The following CCSER1 variants were observed in gnomAD, a reference collection of about 807,000 sequenced individuals.
CCSER1 encodes coiled-coil serine rich protein 1.
Under a neutral mutation model 82.0 loss-of-function variants are expected in CCSER1, and 41 were observed. The ratio of observed to expected loss-of-function variants is 0.50; its 90% CI spans 0.39 to 0.65. The LOEUF (loss-of-function observed/expected upper bound fraction) is 0.65, where lower values mean the gene tolerates loss of function less well. Among genes scored for constraint, CCSER1 ranks in the 30% least tolerant of loss-of-function variants. The pLI, the probability that CCSER1 is intolerant of heterozygous loss-of-function variation, is 0.00. For missense variants in CCSER1, 1,119 were observed against 1,064.2 expected (o/e 1.05, Z -0.72); for synonymous variants, 414 against 383.9 (o/e 1.08, Z -0.92).
At chr4:90,258,511 A>G (rs531055825) in intron 1 of CCSER1, among the ~76,000 whole-genome samples, 5 of 152,292 alleles carry the variant, frequency 3.3e-5, no homozygotes, top group Admixed American at 6.5e-5. Flanking sequence ...CTCCATCTCA[A>G]AAACAAACAA....
chr4:91,276,720 T>A (rs1316120982), intron 10 of CCSER1, among the ~76,000 whole-genome samples: 1 of 152,154 alleles, frequency 6.6e-6, no homozygotes, highest in Non-Finnish European at 1.5e-5. Context: ...ATCCTTGTTT[T>A]GTTCCAGTTC....
At chr4:90,799,671 G>C (rs1245003342) in intron 7 of CCSER1, among the ~76,000 whole-genome samples, 1 of 152,162 alleles carries the variant, frequency 6.6e-6, no homozygotes, top group Non-Finnish European at 1.5e-5. Flanking sequence ...ACAGAGTTCA[G>C]GTCCAGCAGT....
intron 4 of CCSER1, among the ~76,000 whole-genome samples, chr4:90,427,511 T>C (rs916774730): frequency 1.3e-5 from 2 of 151,446 alleles, no homozygotes; most frequent in African/African-American, 2.4e-5. Context: ...AAAAGTAATA[T>C]ACTACAAGGC....
intron 10 of CCSER1, among the ~76,000 whole-genome samples, chr4:91,527,983 C>T (rs1560739951): frequency 6.6e-6 from 1 of 152,036 alleles, no homozygotes. Flanking sequence ...GTCGCGATCT[C>T]GGCTCCCTGC....
At chr4:90,956,598 G>C (rs1202162048) in intron 9 of CCSER1, among the ~76,000 whole-genome samples, 3 of 152,002 alleles carry the variant, frequency 2.0e-5, no homozygotes, top group Admixed American at 2.0e-4. Context: ...GAGACATAGA[G>C]AAAAGAATTT....
In CCSER1 at chr4:90,932,968, A is replaced by AAGAGAGAG. The variant is rs1388956096; in HGVS notation, c.2172+9524_2172+9525insGAGAGAGA. On this transcript the variant is annotated intron_variant, in intron 9 of 10. Transcript: ENST00000509176. ...AAAGAAAGAAAGAAAGAAAGAAAGAAAGAAAGAAAGAAAGAGAAAGAAAGA... is the reference window on the plus strand; with the variant it reads ...AAAGAAAGAAAGAAAGAAAGAAAGAAAGAGAGAGAGAAAGAAAGAAAGAGAAAGAAAGA... Among the ~76,000 whole-genome samples, 2 of 44,126 alleles carry AAGAGAGAG rather than the reference A, an allele frequency of 4.5e-5. 1 individual carries two copies. The highest frequency in any genetic ancestry group is 9.7e-4 in the East Asian group (2 of 2,068). 28.9% of individuals were successfully genotyped at this position (44,126 alleles called of 152,430 possible).
intron 10 of CCSER1, among the ~76,000 whole-genome samples, chr4:91,414,827 A>G (rs538611531): frequency 9.8e-5 from 15 of 152,324 alleles, no homozygotes; most frequent in Middle Eastern, 3.4e-3. Context: ...GAAGGTCATT[A>G]TATAAAATCA....
At chr4:91,242,753 C>A (rs546412550) in intron 10 of CCSER1, among the ~76,000 whole-genome samples, 1 of 152,198 alleles carries the variant, frequency 6.6e-6, no homozygotes, top group Non-Finnish European at 1.5e-5. Flanking sequence ...ACTTGAAAAG[C>A]ACTTATATCC....
intron 4 of CCSER1, among the ~76,000 whole-genome samples, chr4:90,400,906 A>T (rs1752770626): frequency 1.3e-5 from 2 of 151,978 alleles, no homozygotes; most frequent in South Asian, 4.1e-4. Flanking sequence ...ATTAAACTAA[A>T]GCTTTAGAAC....
intron 1 of CCSER1, among the ~76,000 whole-genome samples, chr4:90,228,539 C>A (rs1416462171): frequency 6.6e-6 from 1 of 151,984 alleles, no homozygotes; most frequent in Non-Finnish European, 1.5e-5. Context: ...AGCAGAAAAA[C>A]TGGAAACTCT....
At chr4:91,350,503 C>T (rs1464713460) in intron 10 of CCSER1, among the ~76,000 whole-genome samples, 1 of 151,984 alleles carries the variant, frequency 6.6e-6, no homozygotes, top group East Asian at 1.9e-4. Context: ...AGAACATTAA[C>T]TGATATATAA....
intron 5 of CCSER1, among the ~76,000 whole-genome samples, chr4:90,537,261 G>A (rs1306902697): frequency 6.6e-6 from 1 of 151,984 alleles, no homozygotes; most frequent in Non-Finnish European, 1.5e-5. Flanking sequence ...TTAAATACTA[G>A]TTCTTTTTGC....
At chr4:90,732,219 C>T (rs1255418184) in intron 7 of CCSER1, among the ~76,000 whole-genome samples, 3 of 152,244 alleles carry the variant, frequency 2.0e-5, no homozygotes, top group Non-Finnish European at 4.4e-5. Flanking sequence ...GAAAGGGAAA[C>T]ATGTCAGTCT....
chr4:90,313,128 C>G (rs1735600182), intron 3 of CCSER1, 81 bp downstream of exon 3: 1 of 1,141,880 alleles, frequency 8.8e-7, no homozygotes, highest in South Asian at 1.3e-5. Flanking sequence ...AAAATGAACA[C>G]AGACTACAGG....
intron 5 of CCSER1, among the ~76,000 whole-genome samples, chr4:90,469,594 A>G (rs1232001098): frequency 6.6e-6 from 1 of 150,694 alleles, no homozygotes; most frequent in Admixed American, 6.6e-5. Context: ...TTAGGGTGAT[A>G]TCACCACTCT....
chr4:91,600,667 T>TTAAC lies in CCSER1; in HGVS notation c.*1613_*1616dup, dbSNP rs879080782. The stretch of plus-strand genomic sequence containing the variant: ...CCATTAGACACTCCACCCCTGAGCT[T>TTAAC]TAACTACTGAACTTTGATACATTTG... On this transcript the variant is annotated 3_prime_UTR_variant, in exon 11 of 11. Transcript: ENST00000509176. 11 of 152,286 alleles carry TTAAC rather than the reference T, an allele frequency of 7.2e-5. No homozygotes were observed. In the South Asian group the frequency reaches 2.1e-3, roughly 29 times the overall value. The allele number at this position is 152,286 out of a possible 1,614,324, so 9.4% of individuals were successfully genotyped here.
At chr4:91,200,953 A>G (rs957962817) in intron 10 of CCSER1, among the ~76,000 whole-genome samples, 1 of 152,036 alleles carries the variant, frequency 6.6e-6, no homozygotes, top group Admixed American at 6.6e-5. Flanking sequence ...AAAATCTCTC[A>G]GGTATTTAGA....
chr4:91,226,931 A>C (rs879642001), intron 10 of CCSER1, among the ~76,000 whole-genome samples: 1 of 151,886 alleles, frequency 6.6e-6, no homozygotes, highest in Non-Finnish European at 1.5e-5. Flanking sequence ...CATCATCTGT[A>C]AAATGGTCAT....
At chr4:90,295,394 A>G (rs1417115686) in intron 1 of CCSER1, among the ~76,000 whole-genome samples, 1 of 152,044 alleles carries the variant, frequency 6.6e-6, no homozygotes, top group Admixed American at 6.6e-5. Flanking sequence ...CTGGTTGATA[A>G]TGGAGTTGAA....
Sources: gnomAD v4.1 joint callset for allele counts (sites outside exome capture counted in the v4.1 genomes callset) on GRCh38, gnomAD v4.1.1 for gene constraint, MANE v1.5 for transcripts, NCBI Gene and HGNC (gene_info 2026-07-23, HGNC 2026-07-21) for gene names.